Variants in ARFGEF1 observed in about 807,000 individuals in gnomAD.
The protein encoded by ARFGEF1 is ARF guanine nucleotide exchange factor 1, also known as brefeldin A-inhibited guanine nucleotide-exchange protein 1.
In ARFGEF1, 42 loss-of-function variants were observed where a neutral mutation model predicts 231.0. That is an observed-to-expected ratio of 0.18 (90% CI 0.14 to 0.24). The LOEUF is 0.24. Among genes scored for constraint, ARFGEF1 ranks in the 10% least tolerant of loss-of-function variants. The pLI, the probability that ARFGEF1 is intolerant of heterozygous loss-of-function variation, is 1.00. For missense variants in ARFGEF1, 1,345 were observed against 2,192.0 expected (o/e 0.61, Z 7.72); for synonymous variants, 710 against 732.3 (o/e 0.97, Z 0.49).
chr8:67,329,406 G>A (rs1807992303), intron 1 of ARFGEF1, among the ~76,000 whole-genome samples: 1 of 151,738 alleles, frequency 6.6e-6, no homozygotes, highest in Non-Finnish European at 1.5e-5. Flanking sequence ...GCAGGTGCCT[G>A]TAGTCCCAGC....
At chr8:67,264,142 C>T (rs529826039) in intron 14 of ARFGEF1, among the ~76,000 whole-genome samples, 2 of 152,122 alleles carry the variant, frequency 1.3e-5, no homozygotes, top group Admixed American at 1.3e-4. Context: ...AAAAAATAGA[C>T]TTTCATTCAA....
At chr8:67,215,483 G>C (rs931372086) in intron 33 of ARFGEF1, among the ~76,000 whole-genome samples, 2 of 152,124 alleles carry the variant, frequency 1.3e-5, no homozygotes, top group South Asian at 2.1e-4. Context: ...TGTAATTAAC[G>C]ATCTTGAGAT....
At chr8:67,248,680 C>A (rs990448198) in intron 19 of ARFGEF1, among the ~76,000 whole-genome samples, 1 of 150,424 alleles carries the variant, frequency 6.6e-6, no homozygotes, top group Admixed American at 6.6e-5. Context: ...AGGAAACAAT[C>A]AACAAAGTGA....
At chr8:67,335,751 CT>C (rs757768200) in intron 1 of ARFGEF1, among the ~76,000 whole-genome samples, 450 of 144,784 alleles carry the variant, frequency 3.1e-3, no homozygotes, top group African/African-American at 4.3e-3. Context: ...TAAAGATTTT[CT>C]TTTTTTTTTT....
chr8:67,323,330 AAAGACCT>A (rs1226899891), intron 1 of ARFGEF1, among the ~76,000 whole-genome samples: 1 of 152,130 alleles, frequency 6.6e-6, no homozygotes, highest in East Asian at 1.9e-4. Context: ...TTTTTCTCCA[AAAGACCT>A]AACTGGGTAA....
chr8:67,243,284 CTG>C lies in ARFGEF1; in HGVS notation c.2851-2996_2851-2995del, dbSNP rs369283256. ...GCTGCTAATAAAGACATACCCAACA[CTG>C]TGTAATTTATAAAGAAAAACAGGCT... On this transcript the variant is annotated intron_variant, in intron 19 of 38. Coordinates refer to ENST00000262215, the MANE Select transcript of ARFGEF1 (RefSeq NM_006421.5). Among the ~76,000 whole-genome samples the C allele has an allele frequency of 2.6e-4, 40 of 152,300 alleles. No individual in the cohort carries two copies. In the East Asian group the frequency reaches 6.8e-3, roughly 26 times the overall value.
chr8:67,255,571 A>T (rs1267770318), intron 17 of ARFGEF1, among the ~76,000 whole-genome samples: 2 of 152,250 alleles, frequency 1.3e-5, no homozygotes, highest in South Asian at 4.1e-4. Flanking sequence ...ATTAGTTTTA[A>T]GAAATTCCTT....
chr8:67,199,127 T>C (rs1328359126), intron 38 of ARFGEF1, 29 bp from the exon 39 acceptor site: 2 of 1,595,094 alleles, frequency 1.3e-6, no homozygotes, highest in East Asian at 2.3e-5. Flanking sequence ...TCTCCATTAG[T>C]AGTGATTGCA....
At chr8:67,195,152 C>G (rs149972249), downstream of ARFGEF1, among the ~76,000 whole-genome samples, 20 of 152,244 alleles carry the variant, frequency 1.3e-4, no homozygotes, top group East Asian at 3.7e-3. Context: ...TCAGCTTACT[C>G]AGTTGATCAT....
At chr8:67,310,295 C>T (rs1368128726) in intron 1 of ARFGEF1, among the ~76,000 whole-genome samples, 3 of 152,210 alleles carry the variant, frequency 2.0e-5, no homozygotes, top group Non-Finnish European at 4.4e-5. Flanking sequence ...GACGGGGTTT[C>T]GCTGTGTTGG....
In ARFGEF1 at chr8:67,343,261, G is replaced by A. The variant is rs1166399840; in HGVS notation, c.27C>T (p.Asn9=). MYEGKKTK[N]MFLTRALEKI... Reference sequence around the variant, plus strand: ...TCTCCAGAGCCCGGGTCAGGAACATGTTCTTCGTCTTCTTCCCCTCATACA... The same window carrying A: ...TCTCCAGAGCCCGGGTCAGGAACATATTCTTCGTCTTCTTCCCCTCATACA... Residue 9 remains asparagine, a synonymous_variant, in exon 1 of 39, where the codon AAC becomes AAT. Transcript: ENST00000262215. The A allele has an allele frequency of 1.9e-6, 3 of 1,613,778 alleles. No homozygotes were observed. Among genetic ancestry groups the A allele is most frequent in the Non-Finnish European group, 2.5e-6 (3 of 1,179,854 alleles).
At chr8:67,231,481 G>T (rs539243839) in intron 23 of ARFGEF1, among the ~76,000 whole-genome samples, 1 of 152,154 alleles carries the variant, frequency 6.6e-6, no homozygotes, top group South Asian at 2.1e-4. Flanking sequence ...ATGTCCCTCT[G>T]TAACAAACAG....
At position 67,301,606 on chromosome 8, in the gene ARFGEF1, G is replaced by A. The variant is rs368643771; in HGVS notation, c.156-226C>T. ...ACTAACCACAAGACGCTGAAATCTT[G>A]TCTGCAAAACTGGTCTACAAAAACT... On this transcript the variant is annotated intron_variant, in intron 2 of 38. Transcript: ENST00000262215. 2.3e-4 allele frequency among the ~76,000 whole-genome samples: 35 copies of A among 152,264 alleles called. No individual in the cohort carries two copies. The East Asian group carries it at 6.4e-3, about 28-fold the overall frequency.
At chr8:67,186,649 A>T (rs184414942) in intron 5 of ARFGEF1, among the ~76,000 whole-genome samples, 2 of 152,220 alleles carry the variant, frequency 1.3e-5, no homozygotes, top group Admixed American at 1.3e-4. Context: ...ACTGATTAAC[A>T]TCATACTGGA....
At chr8:67,287,812 T>G in intron 7 of ARFGEF1, 143 bp downstream of exon 7, 1 of 483,610 alleles carries the variant, frequency 2.1e-6, no homozygotes. Flanking sequence ...AAGGCCAAAA[T>G]CCTAAATGTG....
chr8:67,214,928 G>A (rs1227223420), intron 33 of ARFGEF1, among the ~76,000 whole-genome samples: 1 of 151,958 alleles, frequency 6.6e-6, no homozygotes, highest in African/African-American at 2.4e-5. Context: ...CAGGCCCGAA[G>A]AAGCCAGCCA....
chr8:67,331,998 T>TA (rs1808120803), intron 1 of ARFGEF1, among the ~76,000 whole-genome samples: 19 of 150,892 alleles, frequency 1.3e-4, no homozygotes, highest in African/African-American at 2.7e-4. Context: ...AGGGATTAAT[T>TA]TAAAAAAAAA....
rs914750118 is a variant in ARFGEF1, at chr8:67,198,650, C to T, written c.*284G>A. The T allele has an allele frequency of 2.7e-5, 30 of 1,128,122 alleles. No individual in the cohort carries two copies. The highest frequency in any genetic ancestry group is 6.7e-5 in the African/African-American group (4 of 60,114). 69.9% of individuals were successfully genotyped at this position (1,128,122 alleles called of 1,614,324 possible). A position where few individuals can be genotyped will look rare whatever the true frequency, so the allele number is the denominator to read the frequency against. On this transcript the variant is annotated 3_prime_UTR_variant, in exon 39 of 39. Transcript: ENST00000262215. ...GTTTCACTTCCACACCTGCCAAAAA[C>T]GTGGGGCTTTTCCTGCCGTGGAAGA...
At chr8:67,200,036 GAGT>G (rs962094211) in intron 38 of ARFGEF1, 2 of 348,622 alleles carry the variant, frequency 5.7e-6, no homozygotes, top group African/African-American at 4.3e-5. Context: ...ATGTAGTCTT[GAGT>G]AGTAGGCAGA....
Sources: allele counts gnomAD v4.1 joint callset (sites outside exome capture counted in the v4.1 genomes callset), GRCh38; gene constraint gnomAD v4.1.1; transcripts MANE v1.5; gene names NCBI Gene and HGNC (gene_info 2026-07-23, HGNC 2026-07-21).